MGMT: variants seen among roughly 807,000 people sequenced by gnomAD.
The protein encoded by MGMT is methylated-DNA--protein-cysteine methyltransferase.
A neutral mutation model predicts 15.9 loss-of-function variants in MGMT; 14 were observed. The observed-to-expected ratio is 0.88, with a 90% CI of 0.58 to 1.37. The LOEUF is 1.37. Ranked by LOEUF, MGMT falls within the 40% of genes most tolerant of loss-of-function variation. MGMT has a pLI of 0.00. For synonymous variants in MGMT, 130 were observed against 118.2 expected (o/e 1.10, Z -0.65); for missense variants, 282 against 268.1 (o/e 1.05, Z -0.36).
rs144144347 is a variant in MGMT at position 129,673,425 on chromosome 10, C to A, written c.126-34470C>A. Among the ~76,000 whole-genome samples the A allele has an allele frequency of 9.2e-5, 14 of 152,352 alleles. No homozygotes were observed. The East Asian group carries it at 9.6e-4, about 11-fold the overall frequency. ...AAGCAAAATTTTGTATGTGCAAACACACCCTCCCACCCCAAACTTTATTTT... is the reference window on the plus strand; with the variant it reads ...AAGCAAAATTTTGTATGTGCAAACAAACCCTCCCACCCCAAACTTTATTTT... On this transcript the variant is annotated intron_variant, in intron 2 of 4. Coordinates refer to ENST00000651593, the MANE Select transcript of MGMT (RefSeq NM_002412.5).
chr10:129,573,525 G>A (rs922037201), intron 2 of MGMT, among the ~76,000 whole-genome samples: 1 of 150,624 alleles, frequency 6.6e-6, no homozygotes, highest in Admixed American at 6.6e-5. Context: ...TTTTTGTTTT[G>A]CTTTTGTTAA....
At chr10:129,679,826 G>A (rs1431732374) in intron 2 of MGMT, among the ~76,000 whole-genome samples, 5 of 152,074 alleles carry the variant, frequency 3.3e-5, no homozygotes, top group Admixed American at 6.6e-5. Flanking sequence ...CAGAAGTGTC[G>A]CATATACCAG....
chr10:129,765,209 G>A (rs1014197407), intron 4 of MGMT, among the ~76,000 whole-genome samples: 1 of 152,138 alleles, frequency 6.6e-6, no homozygotes, highest in Non-Finnish European at 1.5e-5. Context: ...CAGGCGCCAG[G>A]AGCTACTTAG....
intron 2 of MGMT, among the ~76,000 whole-genome samples, chr10:129,668,159 G>A (rs894447076): frequency 2.0e-5 from 3 of 152,058 alleles, no homozygotes; most frequent in Non-Finnish European, 2.9e-5. Context: ...CCATAAGAAC[G>A]TGAAGAAAAC....
chr10:129,741,046 C>A (rs1240900967), intron 3 of MGMT, among the ~76,000 whole-genome samples: 1 of 152,136 alleles, frequency 6.6e-6, no homozygotes, highest in African/African-American at 2.4e-5. Flanking sequence ...TACAGCTTTC[C>A]ACGCTTATTG....
intron 2 of MGMT, among the ~76,000 whole-genome samples, chr10:129,662,198 A>G (rs766886413): frequency 2.0e-5 from 3 of 152,168 alleles, no homozygotes; most frequent in Non-Finnish European, 4.4e-5. Flanking sequence ...AAAGGGGGTT[A>G]GGGGAAGTAG....
At chr10:129,590,452 A>G (rs897174604) in intron 2 of MGMT, among the ~76,000 whole-genome samples, 1 of 152,208 alleles carries the variant, frequency 6.6e-6, no homozygotes, top group African/African-American at 2.4e-5. Context: ...ACTGGATACA[A>G]TGTGAGCGAA....
chr10:129,508,272 A>G (rs1013391014), intron 1 of MGMT, among the ~76,000 whole-genome samples: 1 of 152,172 alleles, frequency 6.6e-6, no homozygotes, highest in African/African-American at 2.4e-5. Flanking sequence ...TAGCTTTCAC[A>G]TACCTGGTGA....
At position 129,487,982 on chromosome 10, in the gene MGMT, C is replaced by T. The variant is rs1449281950; in HGVS notation, c.-13+20686C>T. Among the ~76,000 whole-genome samples the T allele has an allele frequency of 2.5e-4, 32 of 127,680 alleles. No individual in the cohort carries two copies. In the East Asian group the frequency reaches 9.0e-3, roughly 36 times the overall value. 83.8% of individuals were successfully genotyped at this position (127,680 alleles called of 152,430 possible). ...ACACATAGGTGTATACGCAGGTATACACACACACACACACATAGGTATACA... is the reference window on the plus strand; with the variant it reads ...ACACATAGGTGTATACGCAGGTATATACACACACACACACATAGGTATACA... On this transcript the variant is annotated intron_variant, in intron 1 of 4. Coordinates refer to ENST00000651593, the MANE Select transcript of MGMT (RefSeq NM_002412.5).
chr10:129,544,098 C>T (rs1190054411), intron 2 of MGMT, among the ~76,000 whole-genome samples: 3 of 152,186 alleles, frequency 2.0e-5, no homozygotes, highest in South Asian at 2.1e-4. Context: ...CACCTCTGTT[C>T]GGCTCTGTTT....
At chr10:129,732,630 A>G (rs890576178) in intron 3 of MGMT, among the ~76,000 whole-genome samples, 20 of 150,984 alleles carry the variant, frequency 1.3e-4, no homozygotes, top group Admixed American at 1.2e-3. Context: ...ATATGTATAC[A>G]TGTGCCATGC....
intron 3 of MGMT, among the ~76,000 whole-genome samples, chr10:129,737,347 G>A (rs1321026212): frequency 5.9e-5 from 9 of 151,820 alleles, no homozygotes; most frequent in Admixed American, 6.6e-5. Flanking sequence ...TGATTGCATC[G>A]GCTCCTGAGG....
intron 2 of MGMT, among the ~76,000 whole-genome samples, chr10:129,588,072 A>C (rs1369946918): frequency 1.3e-5 from 2 of 152,204 alleles, no homozygotes; most frequent in African/African-American, 4.8e-5. Context: ...ATTTAGTTTC[A>C]GGCTAATTAT....
chr10:129,487,690 A>G (rs61859816), intron 1 of MGMT, among the ~76,000 whole-genome samples: 13,115 of 151,868 alleles, frequency 0.086, 719 homozygotes, highest in East Asian at 0.28. Flanking sequence ...GGATTATTTT[A>G]TATAGTCTGG....
intron 1 of MGMT, among the ~76,000 whole-genome samples, chr10:129,503,304 T>C (rs1009416577): frequency 2.0e-5 from 3 of 152,242 alleles, no homozygotes; most frequent in African/African-American, 7.2e-5. Context: ...ATAAAGCTGC[T>C]GCTTTATCGA....
At chr10:129,665,765 A>C (rs1171229063) in intron 2 of MGMT, among the ~76,000 whole-genome samples, 1 of 152,196 alleles carries the variant, frequency 6.6e-6, no homozygotes, top group African/African-American at 2.4e-5. Flanking sequence ...TCATGTAAAA[A>C]ATGTTAATGT....
chr10:129,721,160 A>G (rs748189), intron 3 of MGMT, among the ~76,000 whole-genome samples: 82,411 of 152,106 alleles, frequency 0.54, 22,610 homozygotes, highest in Middle Eastern at 0.71. Context: ...AGTCATATAT[A>G]TGCCACCCAG....
chr10:129,708,030 C>T lies in MGMT; in HGVS notation c.261C>T (p.Pro87=), dbSNP rs144397748. The change falls in exon 3 of 5, where the codon CCC becomes CCT. Residue 87 remains proline, a synonymous_variant. Transcript: ENST00000651593. The stretch of plus-strand genomic sequence containing the variant: ...TCCCCGTGCCGGCTCTTCACCATCC[C>T]GTTTTCCAGCAAGGTCGGTAACTAA... ...EEFPVPALHH[P]VFQQESFTRQ... The T allele has an allele frequency of 2.3e-4, 364 of 1,612,434 alleles. No homozygotes were observed. The highest frequency in any genetic ancestry group is 2.9e-4 in the Non-Finnish European group (338 of 1,179,336).
intron 2 of MGMT, among the ~76,000 whole-genome samples, chr10:129,618,771 T>TCTATATTCAATTGAAACTGGGA (rs144655833): frequency 4.7e-5 from 7 of 150,406 alleles, no homozygotes; most frequent in Non-Finnish European, 8.9e-5. Flanking sequence ...GCTATATTTT[T>TCTATATTCAATTGAAACTGGGA]AGTTTCAATT....
Sources: gnomAD v4.1 joint callset for allele counts (sites outside exome capture counted in the v4.1 genomes callset) on GRCh38, gnomAD v4.1.1 for gene constraint, MANE v1.5 for transcripts, NCBI Gene and HGNC (gene_info 2026-07-23, HGNC 2026-07-21) for gene names.